SYAP1: variants seen among roughly 807,000 people sequenced by gnomAD.
SYAP1 encodes the protein synapse-associated protein 1.
In SYAP1, 3 loss-of-function variants were observed where a neutral mutation model predicts 29.6. That is an observed-to-expected ratio of 0.10 (90% CI 0.05 to 0.26). The LOEUF (loss-of-function observed/expected upper bound fraction) is 0.26, where lower values mean the gene tolerates loss of function less well. Among genes scored for constraint, SYAP1 ranks in the 10% least tolerant of loss-of-function variants. The pLI, the probability that SYAP1 is intolerant of heterozygous loss-of-function variation, is 1.00. For synonymous variants in SYAP1, 102 were observed against 102.7 expected (o/e 0.99, Z 0.04); for missense variants, 217 against 264.1 (o/e 0.82, Z 1.24).
intron 1 of SYAP1, among the ~76,000 whole-genome samples, chrX:16,734,759 G>A (rs1198734421): frequency 1.8e-5 from 2 of 110,414 alleles, no homozygotes; most frequent in Non-Finnish European, 3.8e-5. Flanking sequence ...ACTTTGGGAG[G>A]CTGAGGCAGG....
chrX:16,748,085 A>G (rs979947661), intron 5 of SYAP1, among the ~76,000 whole-genome samples: 1 of 104,941 alleles, frequency 9.5e-6, no homozygotes, highest in Non-Finnish European at 2.1e-5. Flanking sequence ...CTCCGTCTCA[A>G]AAAAAAAAAG....
At chrX:16,724,078 A>G (rs1413458582) in intron 1 of SYAP1, among the ~76,000 whole-genome samples, 1 of 112,531 alleles carries the variant, frequency 8.9e-6, no homozygotes, top group East Asian at 2.8e-4. Flanking sequence ...AGGAAGACTT[A>G]TGGGACTCAG....
In SYAP1 at chrX:16,751,142, C is replaced by G. The variant is rs151259576; in HGVS notation, c.576-3803C>G. ...TCTCGTTTTCCCCCCATTCTAAGAA[C>G]CTTGCATCCCTTCTAAAAAAATGGG... On this transcript the variant is annotated intron_variant, in intron 5 of 8. Coordinates refer to ENST00000380155, the MANE Select transcript of SYAP1 (RefSeq NM_032796.4). 2.5e-4 allele frequency among the ~76,000 whole-genome samples: 28 copies of G among 109,901 alleles called. No individual in the cohort carries two copies. In the East Asian group the frequency reaches 7.0e-3, roughly 27 times the overall value.
intron 1 of SYAP1, among the ~76,000 whole-genome samples, chrX:16,734,732 A>C (rs936853241): frequency 7.2e-5 from 8 of 110,584 alleles, no homozygotes; most frequent in Non-Finnish European, 1.5e-4. Flanking sequence ...CCGGTGGCTC[A>C]CGCCTGTAAT....
intron 5 of SYAP1, among the ~76,000 whole-genome samples, chrX:16,747,525 G>A (rs1262606178): frequency 8.9e-6 from 1 of 112,630 alleles, no homozygotes; most frequent in Non-Finnish European, 1.9e-5. Context: ...CCTGAGGCCT[G>A]TGGCCTGGGG....
chrX:16,729,030 A>C (rs1926143532), intron 1 of SYAP1, among the ~76,000 whole-genome samples: 2 of 94,828 alleles, frequency 2.1e-5, no homozygotes, highest in South Asian at 9.5e-4. Context: ...CAGAGCGAGC[A>C]GCTATCTCGA....
At chrX:16,736,128 C>G (rs768696227) in intron 2 of SYAP1, 38 bp from the exon 3 acceptor site, 16 of 882,020 alleles carry the variant, frequency 1.8e-5, no homozygotes, top group Non-Finnish European at 2.5e-5. Context: ...ACCTTAGATA[C>G]ATTGCTATTT....
At chrX:16,732,673 A>T (rs1451908934) in intron 1 of SYAP1, among the ~76,000 whole-genome samples, 11 of 112,381 alleles carry the variant, frequency 9.8e-5, no homozygotes, top group African/African-American at 3.6e-4. Flanking sequence ...CAGTTTTATA[A>T]ACTAGTGTGG....
Position 16,756,688 on chromosome X carries a change from C to A in SYAP1, c.750C>A (p.Pro250=). The change falls in exon 7 of 9, where the codon CCC becomes CCA. Residue 250 remains proline, a synonymous_variant. Transcript: ENST00000380155. ...LAEAVRPKTP[P]VVIKSQLKTQ... is the part of the protein sequence containing the mutation. ...AGGCAGTACGGCCCAAAACGCCACC[C>A]GTTGTAATCAAATCTCAGCTTAAAA... 1 of 1,211,258 alleles carries A rather than the reference C, an allele frequency of 8.3e-7. No individual in the cohort carries two copies.
Position 16,741,767 on chromosome X carries a change from A to G in SYAP1, c.413A>G (p.Gln138Arg). 8.3e-7 allele frequency: 1 copy of G among 1,207,184 alleles called. No individual in the cohort carries two copies. Among genetic ancestry groups the G allele is most frequent in the South Asian group, 1.8e-5 (1 of 56,264 alleles). ...ACTAACGATGAAGAAACAATTCAAC[A>G]ACAAATTTTGGCCTTATCAGCTGTA... The part of the protein sequence containing the change: ...VDTNDEETIQ[Q>R]QILALSADKR... The change falls in exon 4 of 9, where the codon CAA (glutamine) becomes CGA (arginine). Residue 138 changes from glutamine to arginine, a missense_variant. Transcript: ENST00000380155.
chrX:16,748,906 G>A (rs892237579), intron 5 of SYAP1, among the ~76,000 whole-genome samples: 1 of 109,094 alleles, frequency 9.2e-6, no homozygotes, highest in African/African-American at 3.3e-5. Context: ...ACAGGCGCAC[G>A]CCACCACACC....
Position 16,763,275 on chromosome X carries a change from CTG to C in SYAP1, c.*2918_*2919del, listed in dbSNP as rs1289580528. ...CACTTCAGCCTGGGTGACAGAGACT[CTG>C]TTTCAAAAAAGGGAGGGGGGGCAAG... On this transcript the variant is annotated 3_prime_UTR_variant, in exon 9 of 9. Transcript: ENST00000380155. The C allele has an allele frequency of 1.2e-5, 1 of 84,242 alleles. No homozygotes were observed. The highest frequency in any genetic ancestry group is 4.9e-5 in the African/African-American group (1 of 20,432). The allele number at this position is 84,242 out of a possible 1,213,427, so 6.9% of individuals were successfully genotyped here. A position where few individuals can be genotyped will look rare whatever the true frequency, so the allele number is the denominator to read the frequency against.
intron 1 of SYAP1, among the ~76,000 whole-genome samples, chrX:16,730,078 G>A (rs917286764): frequency 7.2e-5 from 8 of 111,488 alleles, no homozygotes; most frequent in Non-Finnish European, 1.5e-4. Context: ...TCTTCAGGCC[G>A]GGCACAGTGG....
At chrX:16,746,346 G>T (rs1266157617) in intron 5 of SYAP1, among the ~76,000 whole-genome samples, 1 of 106,332 alleles carries the variant, frequency 9.4e-6, no homozygotes, top group East Asian at 2.9e-4. Context: ...AAGTGATTCT[G>T]CTGCCTCAGC....
chrX:16,745,956 G>A (rs1025975825), intron 5 of SYAP1, among the ~76,000 whole-genome samples: 3 of 110,256 alleles, frequency 2.7e-5, no homozygotes, highest in Admixed American at 9.8e-5. Context: ...GCCACATAGC[G>A]GTTTTAACAA....
intron 3 of SYAP1, among the ~76,000 whole-genome samples, chrX:16,738,685 A>C (rs1163779058): frequency 9.0e-6 from 1 of 111,409 alleles, no homozygotes; most frequent in East Asian, 2.8e-4. Flanking sequence ...AAAAGAAAAT[A>C]AAAACAGTGC....
At position 16,762,142 on chromosome X, in the gene SYAP1, A is replaced by T. The variant is rs1047425984; in HGVS notation, c.*1783A>T. 3 of 109,364 alleles carry T rather than the reference A, an allele frequency of 2.7e-5. No individual in the cohort carries two copies. The highest frequency in any genetic ancestry group is 9.9e-5 in the African/African-American group (3 of 30,153). 9.0% of individuals were successfully genotyped at this position (109,364 alleles called of 1,213,427 possible). On this transcript the variant is annotated 3_prime_UTR_variant, in exon 9 of 9. Coordinates refer to ENST00000380155, the MANE Select transcript of SYAP1 (RefSeq NM_032796.4). ...TAATCTCATTGAAGGAAAGAGTTTC[A>T]TTTTTTTTTTAAAAGAGTTTGCTGG...
At chrX:16,745,237 C>T (rs1392008645) in intron 5 of SYAP1, among the ~76,000 whole-genome samples, 1 of 111,908 alleles carries the variant, frequency 8.9e-6, no homozygotes. Context: ...AGTTGATAGG[C>T]AGACTATCCC....
chrX:16,742,511 C>T (rs1172820764), intron 4 of SYAP1, among the ~76,000 whole-genome samples: 1 of 112,044 alleles, frequency 8.9e-6, no homozygotes, highest in Non-Finnish European at 1.9e-5. Flanking sequence ...TGGTCTCGAG[C>T]TCCTGACCTC....
Sources: gnomAD v4.1 joint callset for allele counts (sites outside exome capture counted in the v4.1 genomes callset) on GRCh38, gnomAD v4.1.1 for gene constraint, MANE v1.5 for transcripts, NCBI Gene and HGNC (gene_info 2026-07-23, HGNC 2026-07-21) for gene names.